GRID2: variants seen among roughly 807,000 people sequenced by gnomAD.
The protein encoded by GRID2 is glutamate ionotropic receptor delta type subunit 2.
In GRID2, 33 loss-of-function variants were observed where a neutral mutation model predicts 114.8. That is an observed-to-expected ratio of 0.29 (90% CI 0.22 to 0.38). The LOEUF (loss-of-function observed/expected upper bound fraction) is 0.38. GRID2 is among the 10% of genes least tolerant of loss of function. The pLI is 1.00. For synonymous variants in GRID2, 505 were observed against 449.9 expected (o/e 1.12, Z -1.55); for missense variants, 1,184 against 1,257.7 (o/e 0.94, Z 0.89).
intron 2 of GRID2, among the ~76,000 whole-genome samples, chr4:92,818,198 C>G (rs868298278): frequency 6.6e-6 from 1 of 152,106 alleles, no homozygotes; most frequent in Admixed American, 6.6e-5. Context: ...TAATTATAAA[C>G]TGATAAGCAG....
intron 2 of GRID2, among the ~76,000 whole-genome samples, chr4:92,829,548 A>C: frequency 6.6e-6 from 1 of 152,122 alleles, no homozygotes; most frequent in African/African-American, 2.4e-5. Context: ...AAGGATCTAG[A>C]ACCAAATACC....
At chr4:93,571,321 G>T (rs1735912358) in intron 13 of GRID2, among the ~76,000 whole-genome samples, 1 of 151,962 alleles carries the variant, frequency 6.6e-6, no homozygotes, top group Non-Finnish European at 1.5e-5. Flanking sequence ...TTTTTCCCCA[G>T]AAGTATGTGG....
chr4:92,419,842 G>A (rs1335338931), intron 1 of GRID2, among the ~76,000 whole-genome samples: 1 of 151,900 alleles, frequency 6.6e-6, no homozygotes, highest in African/African-American at 2.4e-5. Flanking sequence ...TATTTATATA[G>A]TCAATAGTAA....
intron 14 of GRID2, among the ~76,000 whole-genome samples, chr4:93,728,622 A>C (rs1272922288): frequency 2.0e-5 from 3 of 152,154 alleles, no homozygotes; most frequent in Non-Finnish European, 4.4e-5. Context: ...TTGGAGTCTA[A>C]GTCTCTTTGT....
chr4:92,743,728 C>T (rs1190391988), intron 2 of GRID2, among the ~76,000 whole-genome samples: 6 of 152,026 alleles, frequency 3.9e-5, no homozygotes. Context: ...GTTGTATGGG[C>T]CTCTTTGATA....
intron 2 of GRID2, among the ~76,000 whole-genome samples, chr4:92,655,960 G>T (rs1030663077): frequency 6.6e-6 from 1 of 151,606 alleles, no homozygotes; most frequent in Middle Eastern, 3.2e-3. Context: ...TTGAGGAAAG[G>T]CTTTCAACTT....
intron 9 of GRID2, among the ~76,000 whole-genome samples, chr4:93,414,013 C>G (rs1357156830): frequency 2.6e-5 from 4 of 151,970 alleles, no homozygotes; most frequent in Non-Finnish European, 5.9e-5. Flanking sequence ...AAGGACAGTC[C>G]CAGAAGTTAA....
intron 2 of GRID2, among the ~76,000 whole-genome samples, chr4:92,625,283 G>A (rs1478985396): frequency 1.3e-5 from 2 of 151,632 alleles, no homozygotes; most frequent in African/African-American, 2.4e-5. Flanking sequence ...AGAAATAATT[G>A]TCTAATAGGA....
chr4:93,800,743 T>C (rs1171886747), intron 1 of GRID2, among the ~76,000 whole-genome samples: 2 of 152,226 alleles, frequency 1.3e-5, no homozygotes, highest in Non-Finnish European at 2.9e-5. Flanking sequence ...TTATTCCCAG[T>C]TTGTTAAATA....
chr4:92,536,017 G>A (rs1448245051), intron 1 of GRID2, among the ~76,000 whole-genome samples: 4 of 152,162 alleles, frequency 2.6e-5, no homozygotes, highest in East Asian at 1.9e-4. Flanking sequence ...TCATAAAGGC[G>A]TTGCAGACCC....
At chr4:93,248,773 C>T (rs1579420850) in intron 8 of GRID2, among the ~76,000 whole-genome samples, 1 of 152,026 alleles carries the variant, frequency 6.6e-6, no homozygotes, top group Non-Finnish European at 1.5e-5. Context: ...AATATTATGT[C>T]CATGTGAGTA....
chr4:92,603,593 G>C (rs1009085378), intron 2 of GRID2, among the ~76,000 whole-genome samples: 1 of 152,014 alleles, frequency 6.6e-6, no homozygotes, highest in African/African-American at 2.4e-5. Context: ...AACCCTACAA[G>C]AAAATCTAGG....
At chr4:93,568,869 T>C (rs964762825) in intron 13 of GRID2, among the ~76,000 whole-genome samples, 3 of 152,164 alleles carry the variant, frequency 2.0e-5, no homozygotes, top group Admixed American at 1.3e-4. Context: ...TAGGGAACAC[T>C]GTTGGTATTG....
At chr4:92,995,156 C>G (rs1479850144) in intron 2 of GRID2, among the ~76,000 whole-genome samples, 2 of 152,144 alleles carry the variant, frequency 1.3e-5, no homozygotes, top group African/African-American at 2.4e-5. Context: ...TGGGCAGAGA[C>G]ATTTCTTCCT....
intron 2 of GRID2, among the ~76,000 whole-genome samples, chr4:93,003,625 A>T (rs1721221902): frequency 6.6e-6 from 1 of 151,980 alleles, no homozygotes; most frequent in Non-Finnish European, 1.5e-5. Context: ...TGGAAAAATT[A>T]GTCTGGCCAT....
intron 11 of GRID2, among the ~76,000 whole-genome samples, chr4:93,477,289 C>T (rs544575531): frequency 4.6e-5 from 7 of 152,190 alleles, no homozygotes; most frequent in East Asian, 1.9e-4. Flanking sequence ...ATAGCCTAAT[C>T]GCCCCTTAAA....
At chr4:92,687,371 G>A (rs2149289710) in intron 2 of GRID2, among the ~76,000 whole-genome samples, 1 of 152,030 alleles carries the variant, frequency 6.6e-6, no homozygotes, top group East Asian at 1.9e-4. Flanking sequence ...AAATATTGAA[G>A]ATTTGATTCC....
intron 1 of GRID2, among the ~76,000 whole-genome samples, chr4:92,470,467 T>C (rs967092170): frequency 6.6e-6 from 1 of 152,012 alleles, no homozygotes; most frequent in Non-Finnish European, 1.5e-5. Flanking sequence ...ATATGCATTC[T>C]TTCATTTATT....
At chr4:93,122,022 G>A (rs1733825743) in intron 4 of GRID2, among the ~76,000 whole-genome samples, 1 of 152,116 alleles carries the variant, frequency 6.6e-6, no homozygotes, top group Non-Finnish European at 1.5e-5. Context: ...CTCTTGTCAA[G>A]TGAATGTATT....
Sources: allele counts gnomAD v4.1 joint callset (sites outside exome capture counted in the v4.1 genomes callset), GRCh38; gene constraint gnomAD v4.1.1; transcripts MANE v1.5; gene names NCBI Gene and HGNC (gene_info 2026-07-23, HGNC 2026-07-21).